Variants in SPATA21 observed in about 807,000 individuals in gnomAD.
The protein encoded by SPATA21 is spermatogenesis-associated protein 21.
SPATA21 carries 47 observed loss-of-function variants against 54.8 expected under a neutral mutation model. The ratio of observed to expected loss-of-function variants is 0.86; its 90% CI spans 0.68 to 1.09. SPATA21 has a LOEUF of 1.09. Ranked by LOEUF, SPATA21 falls within the 50% of genes least tolerant of loss-of-function variation. The probability of loss-of-function intolerance (pLI) is 0.00; values close to 1 mark genes in which losing one functional copy is unlikely to be tolerated. For synonymous variants in SPATA21, 245 were observed against 235.3 expected, an observed-to-expected ratio of 1.04 and a Z score of -0.38; for missense variants, 599 against 596.4, an observed-to-expected ratio of 1.00 and a Z score of -0.05.
intron 3 of SPATA21, among the ~76,000 whole-genome samples, chr1:16,426,921 G>T (rs1003743284): frequency 6.6e-6 from 1 of 151,846 alleles, no homozygotes; most frequent in Non-Finnish European, 1.5e-5. Context: ...TGTGTTTTTC[G>T]CATGCTAAAA....
chr1:16,425,755 A>G, intron 3 of SPATA21: 1 of 1,537,584 alleles, frequency 6.5e-7, no homozygotes, highest in Non-Finnish European at 8.8e-7. Flanking sequence ...ACAAAGTGAC[A>G]CTTTAGCTCC....
chr1:16,420,624 G>A (rs2086144806), intron 5 of SPATA21, among the ~76,000 whole-genome samples: 1 of 152,138 alleles, frequency 6.6e-6, no homozygotes, highest in Admixed American at 6.5e-5. Flanking sequence ...TCATGTGGTG[G>A]GGGGAGGGGA....
intron 11 of SPATA21, chr1:16,400,437 A>G (rs924264326): frequency 1.4e-5 from 16 of 1,128,012 alleles, no homozygotes; most frequent in Middle Eastern, 3.8e-4. Context: ...TGGGATTGCT[A>G]ATCTCTACAG....
rs989686576 is a variant in SPATA21 at position 16,428,565 on chromosome 1, T to A, written c.34+2773A>T. Among the ~76,000 whole-genome samples the A allele has an allele frequency of 2.0e-5, 3 of 151,670 alleles. No individual in the cohort carries two copies. The highest frequency in any genetic ancestry group is 2.1e-4 in the South Asian group (1 of 4,810). On this transcript the variant is annotated intron_variant, in intron 3 of 12. Transcript: ENST00000335496. This position sits in a 1 kb window ranked among gnomAD's most constrained non-coding sequence, Gnocchi z 4.3. Reference sequence around the variant, plus strand: ...CCACCATGCCCAACTAATTTTTTTTTTTTATTTTTTTTGTAGGCCAGGCTG... The same window carrying A: ...CCACCATGCCCAACTAATTTTTTTTATTTATTTTTTTTGTAGGCCAGGCTG...
In SPATA21 at chr1:16,409,470, CATG is replaced by C; in HGVS notation, c.587+128_587+130del. Reference sequence around the variant, plus strand: ...ACATGGGAGATGCGGAGAGGAGACACATGAGGAGAAATGGAGAGAGGGGGACAC... The same window carrying C: ...ACATGGGAGATGCGGAGAGGAGACACAGGAGAAATGGAGAGAGGGGGACAC... On this transcript the variant is annotated intron_variant, in intron 6 of 12. Coordinates refer to ENST00000335496, the MANE Select transcript of SPATA21 (RefSeq NM_198546.1). The surrounding 1 kb of genome is among the most constrained non-coding windows in gnomAD (Gnocchi z 4.1). 9.9e-7 allele frequency: 1 copy of C among 1,007,368 alleles called. No individual in the cohort carries two copies. Among genetic ancestry groups the C allele is most frequent in the Non-Finnish European group, 1.4e-6 (1 of 693,774 alleles). 62.4% of individuals were successfully genotyped at this position (1,007,368 alleles called of 1,614,324 possible).
downstream of SPATA21, chr1:16,396,823 G>T (rs2085319958): frequency 6.6e-6 from 1 of 152,356 alleles, no homozygotes; most frequent in Non-Finnish European, 1.5e-5. Flanking sequence ...CCAGCTGCCA[G>T]CTGAGTCAGC....
intron 5 of SPATA21, among the ~76,000 whole-genome samples, chr1:16,413,605 C>CTTCTTT (rs1243085885): frequency 6.7e-6 from 1 of 148,698 alleles, no homozygotes; most frequent in Non-Finnish European, 1.5e-5. Flanking sequence ...TTTCTCTTCT[C>CTTCTTT]TTCTTTTTCT....
At chr1:16,405,211 AAAT>A (rs900543403) in intron 7 of SPATA21, 107 bp from the exon 8 acceptor site, 1 of 1,469,342 alleles carries the variant, frequency 6.8e-7, no homozygotes, top group Non-Finnish European at 9.0e-7. Flanking sequence ...TCAAAAGTGA[AAAT>A]AAAATTGCTG....
In SPATA21 at chr1:16,409,122, C is replaced by G. The variant is rs1000560881; in HGVS notation, c.669G>C (p.Glu223Asp). 1.2e-6 allele frequency: 2 copies of G among 1,614,006 alleles called. No individual in the cohort carries two copies. Among genetic ancestry groups the G allele is most frequent in the Non-Finnish European group, 1.7e-6 (2 of 1,180,004 alleles). The change falls in exon 7 of 13, where the codon GAG (glutamate) becomes GAC (aspartate). Residue 223 changes from glutamate (E) to aspartate (D), a missense_variant. Physicochemically the swap from Glu to Asp is conservative, Grantham distance 45. Transcript: ENST00000335496. This position sits in a 1 kb window ranked among gnomAD's most constrained non-coding sequence, Gnocchi z 4.1. ...KSEEQLTLKQ[E>D]EAFRSYFEIF... ...CCCTGACCTCCCTGCCCTCACCTTC[C>G]TCTTGCTTCAGGGTCAGTTGCTCCT... is the stretch of plus-strand genomic sequence containing the variant.
At chr1:16,402,797 G>A (rs1410369408) in intron 10 of SPATA21, among the ~76,000 whole-genome samples, 8 of 152,056 alleles carry the variant, frequency 5.3e-5, no homozygotes, top group African/African-American at 1.9e-4. Context: ...ATGGTGGCAC[G>A]CGCCTGTAAT....
intron 5 of SPATA21, among the ~76,000 whole-genome samples, chr1:16,417,673 G>A (rs549065358): frequency 1.3e-5 from 2 of 152,014 alleles, no homozygotes; most frequent in Non-Finnish European, 2.9e-5. Context: ...GACCTCAGGT[G>A]ATCCGCCCAC....
intron 5 of SPATA21, among the ~76,000 whole-genome samples, chr1:16,413,056 AT>A (rs1344833028): frequency 6.6e-6 from 1 of 152,230 alleles, no homozygotes; most frequent in East Asian, 1.9e-4. Flanking sequence ...TGCTGGGATT[AT>A]AGGCGTGAGC....
intron 8 of SPATA21, 138 bp downstream of exon 8, chr1:16,404,829 G>T (rs1206656922): frequency 1.0e-6 from 1 of 977,804 alleles, no homozygotes; most frequent in Non-Finnish European, 1.4e-6. Flanking sequence ...AACAACAAAG[G>T]CATTTCTAGA....
At chr1:16,415,209 C>T (rs1025172561) in intron 5 of SPATA21, among the ~76,000 whole-genome samples, 9 of 152,100 alleles carry the variant, frequency 5.9e-5, no homozygotes, top group East Asian at 1.9e-4. Flanking sequence ...TGATGGCTCG[C>T]GCCTGTACTA....
intron 3 of SPATA21, 28 bp downstream of exon 3, chr1:16,431,310 G>T: frequency 1.9e-6 from 3 of 1,614,154 alleles, no homozygotes; most frequent in South Asian, 1.1e-5. Context: ...GCCAGGACTT[G>T]GCTGCGTCCC....
intron 1 of SPATA21, among the ~76,000 whole-genome samples, chr1:16,435,944 T>A (rs978144082): frequency 1.3e-5 from 2 of 152,226 alleles, no homozygotes; most frequent in African/African-American, 4.8e-5. Context: ...ACAGAAGTTT[T>A]AAATTTTTGT....
downstream of SPATA21, among the ~76,000 whole-genome samples, chr1:16,398,429 G>T (rs2085349023): frequency 6.6e-6 from 1 of 152,194 alleles, no homozygotes; most frequent in African/African-American, 2.4e-5. Flanking sequence ...GGCTGCTTTT[G>T]TGGGGCTCCC....
At chr1:16,414,948 G>A (rs2085958305) in intron 5 of SPATA21, among the ~76,000 whole-genome samples, 2 of 138,292 alleles carry the variant, frequency 1.4e-5, no homozygotes, top group African/African-American at 5.4e-5. Flanking sequence ...CTAGAAAAGA[G>A]ACCCATTTTC....
chr1:16,414,816 C>G (rs781223546), intron 5 of SPATA21, among the ~76,000 whole-genome samples: 10 of 132,808 alleles, frequency 7.5e-5, no homozygotes, highest in African/African-American at 2.3e-4. Flanking sequence ...TCGCTTAAAC[C>G]TGGGAGGTGG....
Sources: allele counts gnomAD v4.1 joint callset (sites outside exome capture counted in the v4.1 genomes callset), GRCh38; gene constraint gnomAD v4.1.1; non-coding constraint Gnocchi (gnomAD v3.1); transcripts MANE v1.5; gene names NCBI Gene and HGNC (gene_info 2026-07-23, HGNC 2026-07-21).